Variants in OXR1 observed in about 807,000 individuals in gnomAD.
OXR1 encodes the protein oxidation resistance protein 1.
OXR1 carries 41 observed loss-of-function variants against 104.6 expected under a neutral mutation model. That is an observed-to-expected ratio of 0.39 (90% confidence interval 0.31 to 0.51). OXR1 has a LOEUF of 0.51. Ranked by LOEUF, OXR1 falls within the 20% of genes least tolerant of loss-of-function variation. The probability of loss-of-function intolerance (pLI) is 0.77; values close to 1 mark genes in which losing one functional copy is unlikely to be tolerated. For missense variants in OXR1, 955 were observed against 1,031.9 expected (o/e 0.93, Z 1.02); for synonymous variants, 348 against 348.4 (o/e 1.00, Z 0.01).
chr8:106,550,608 TAGTGAGTGAGTTCTCATGAG>T (rs373039497), intron 3 of OXR1, among the ~76,000 whole-genome samples: 2 of 152,280 alleles, frequency 1.3e-5, no homozygotes, highest in African/African-American at 4.8e-5. Context: ...GTTCTCATGA[TAGTGAGTGAGTTCTCATGAG>T]ATCTGATGGT....
At chr8:106,354,571 A>C (rs1815881015) in intron 1 of OXR1, among the ~76,000 whole-genome samples, 1 of 152,152 alleles carries the variant, frequency 6.6e-6, no homozygotes, top group African/African-American at 2.4e-5. Flanking sequence ...CAGGCAAGGC[A>C]ATGTCATTCA....
chr8:106,408,585 G>T (rs1169261987), intron 2 of OXR1, among the ~76,000 whole-genome samples: 1 of 152,150 alleles, frequency 6.6e-6, no homozygotes, highest in Non-Finnish European at 1.5e-5. Flanking sequence ...TCTCACTGGT[G>T]GCAAATTCAG....
intron 2 of OXR1, among the ~76,000 whole-genome samples, chr8:106,369,238 T>C (rs1816608048): frequency 6.6e-6 from 1 of 152,190 alleles, no homozygotes; most frequent in African/African-American, 2.4e-5. Context: ...CACTTTTTGA[T>C]GGGGTTGTTT....
intron 1 of OXR1, among the ~76,000 whole-genome samples, chr8:106,320,095 A>G (rs1188265533): frequency 6.6e-6 from 1 of 152,228 alleles, no homozygotes; most frequent in Admixed American, 6.5e-5. Context: ...ATGCATTCAA[A>G]GCACACATCA....
chr8:106,630,745 G>T (rs1822612555), intron 3 of OXR1, among the ~76,000 whole-genome samples: 1 of 152,174 alleles, frequency 6.6e-6, no homozygotes, highest in African/African-American at 2.4e-5. Flanking sequence ...CTTTTAGCCA[G>T]ATTTGTATAC....
At chr8:106,621,645 A>T (rs1373115871) in intron 3 of OXR1, among the ~76,000 whole-genome samples, 2 of 152,218 alleles carry the variant, frequency 1.3e-5, no homozygotes, top group Non-Finnish European at 2.9e-5. Flanking sequence ...ATCCATTAAA[A>T]GTTAATATAT....
At chr8:106,651,517 T>C (rs1824571318) in intron 3 of OXR1, among the ~76,000 whole-genome samples, 1 of 152,166 alleles carries the variant, frequency 6.6e-6, no homozygotes, top group South Asian at 2.1e-4. Context: ...GAAGCCACTA[T>C]TTTTCCCCAT....
intron 1 of OXR1, among the ~76,000 whole-genome samples, chr8:106,288,308 G>A (rs1812583535): frequency 6.6e-6 from 1 of 152,146 alleles, no homozygotes; most frequent in African/African-American, 2.4e-5. Context: ...GACAGCCTGA[G>A]CATTCTGTTA....
chr8:106,484,981 G>C (rs974100263), intron 2 of OXR1, among the ~76,000 whole-genome samples: 1 of 151,756 alleles, frequency 6.6e-6, no homozygotes, highest in East Asian at 1.9e-4. Context: ...CCAAACAATG[G>C]AATATTACTC....
At chr8:106,481,627 C>T (rs1822122143) in intron 2 of OXR1, among the ~76,000 whole-genome samples, 1 of 152,034 alleles carries the variant, frequency 6.6e-6, no homozygotes, top group African/African-American at 2.4e-5. Flanking sequence ...AGAGCTTGCA[C>T]TCAAATTTAG....
At chr8:106,313,777 G>A (rs1813813718) in intron 1 of OXR1, among the ~76,000 whole-genome samples, 1 of 152,106 alleles carries the variant, frequency 6.6e-6, no homozygotes, top group South Asian at 2.1e-4. Context: ...GGAAGTGTAA[G>A]ACTCACTGCC....
At chr8:106,696,728 T>C (rs949950469) in intron 7 of OXR1, among the ~76,000 whole-genome samples, 1 of 152,222 alleles carries the variant, frequency 6.6e-6, no homozygotes, top group East Asian at 1.9e-4. Context: ...AAGCGTCTTT[T>C]TTTTTTCCTA....
intron 2 of OXR1, among the ~76,000 whole-genome samples, chr8:106,492,452 G>A (rs1811153168): frequency 6.6e-6 from 1 of 152,220 alleles, no homozygotes; most frequent in Non-Finnish European, 1.5e-5. Flanking sequence ...AATTCTCAGT[G>A]TGTTCACTAT....
At chr8:106,598,541 C>A (rs1372600746) in intron 3 of OXR1, among the ~76,000 whole-genome samples, 1 of 152,198 alleles carries the variant, frequency 6.6e-6, no homozygotes, top group Non-Finnish European at 1.5e-5. Flanking sequence ...AGTGTGCTCA[C>A]TGTGGTTTGA....
intron 2 of OXR1, among the ~76,000 whole-genome samples, chr8:106,428,572 A>G (rs929060574): frequency 2.6e-5 from 4 of 151,180 alleles, no homozygotes; most frequent in East Asian, 1.9e-4. Flanking sequence ...GAATTCCACA[A>G]TCATGCCACA....
At chr8:106,421,925 G>A (rs1400712133) in intron 2 of OXR1, among the ~76,000 whole-genome samples, 3 of 152,078 alleles carry the variant, frequency 2.0e-5, no homozygotes, top group Non-Finnish European at 2.9e-5. Flanking sequence ...TTATACCCCA[G>A]TGTTCTGATT....
At chr8:106,496,972 A>T (rs1384374043) in intron 2 of OXR1, among the ~76,000 whole-genome samples, 1 of 152,196 alleles carries the variant, frequency 6.6e-6, no homozygotes, top group Non-Finnish European at 1.5e-5. Context: ...TTTGCTTTAG[A>T]GATACTTAAG....
intron 3 of OXR1, among the ~76,000 whole-genome samples, chr8:106,604,480 T>C (rs1399125402): frequency 6.6e-6 from 1 of 152,138 alleles, no homozygotes. Context: ...CCAAACCAGA[T>C]AGGATATTTA....
intron 2 of OXR1, among the ~76,000 whole-genome samples, chr8:106,456,905 C>T (rs1820625775): frequency 6.6e-6 from 1 of 152,086 alleles, no homozygotes; most frequent in Non-Finnish European, 1.5e-5. Flanking sequence ...CTGAAAATTC[C>T]AGTTGCATTT....
Sources: allele counts gnomAD v4.1 joint callset (sites outside exome capture counted in the v4.1 genomes callset), GRCh38; gene constraint gnomAD v4.1.1; transcripts MANE v1.5; gene names NCBI Gene and HGNC (gene_info 2026-07-23, HGNC 2026-07-21).